Variants in SHC3 observed in about 807,000 individuals in gnomAD.
SHC3 encodes SHC adaptor protein 3, also known as SHC-transforming protein 3.
SHC3 carries 15 observed loss-of-function variants against 60.4 expected under a neutral mutation model. The observed-to-expected ratio is 0.25, with a 90% CI of 0.17 to 0.38. The LOEUF (loss-of-function observed/expected upper bound fraction) is 0.38, where lower values mean the gene tolerates loss of function less well. Ranked by LOEUF, SHC3 falls within the 10% of genes least tolerant of loss-of-function variation. The pLI is 1.00. For synonymous variants in SHC3, 294 were observed against 325.9 expected (o/e 0.90, Z 1.05); for missense variants, 677 against 786.1 (o/e 0.86, Z 1.66).
intron 2 of SHC3, among the ~76,000 whole-genome samples, chr9:89,108,212 A>G (rs1305521940): frequency 6.6e-6 from 1 of 152,122 alleles, no homozygotes; most frequent in Admixed American, 6.5e-5. Context: ...CTAATGACGC[A>G]TCTCTCAGAA....
chr9:89,091,490 T>C (rs1360070536), intron 2 of SHC3, among the ~76,000 whole-genome samples: 1 of 152,122 alleles, frequency 6.6e-6, no homozygotes, highest in East Asian at 1.9e-4. Flanking sequence ...CAAAGTAAAA[T>C]AAATGAAAAT....
chr9:89,043,511 A>C (rs1049923760), intron 9 of SHC3, among the ~76,000 whole-genome samples: 1 of 152,196 alleles, frequency 6.6e-6, no homozygotes, highest in African/African-American at 2.4e-5. Flanking sequence ...CTTTCCCACC[A>C]TAGATGACAA....
chr9:89,107,670 AAGGCT>A (rs1385269006), intron 2 of SHC3, among the ~76,000 whole-genome samples: 2 of 152,224 alleles, frequency 1.3e-5, no homozygotes, highest in East Asian at 3.8e-4. Context: ...AAGAGCCTGT[AAGGCT>A]AAAATCCAAA....
At chr9:89,051,981 G>A in intron 7 of SHC3, 56 bp downstream of exon 7, 1 of 1,600,386 alleles carries the variant, frequency 6.2e-7, no homozygotes, top group Non-Finnish European at 8.5e-7. Context: ...GGTTTTAAGA[G>A]GAAAGGTCAT....
At chr9:89,059,906 C>G (rs961457574) in intron 6 of SHC3, among the ~76,000 whole-genome samples, 58 of 129,972 alleles carry the variant, frequency 4.5e-4, no homozygotes, top group African/African-American at 1.7e-3. Context: ...TGGTGTAGGA[C>G]AGTGGTGGAG....
chr9:89,030,140 A>G (rs780768923), intron 11 of SHC3, among the ~76,000 whole-genome samples: 1 of 152,166 alleles, frequency 6.6e-6, no homozygotes, highest in African/African-American at 2.4e-5. Flanking sequence ...ATAAAGGGGG[A>G]CATTTCACAT....
rs762269093 is a variant in SHC3 at position 89,047,010 on chromosome 9, T to G, written c.963-16A>C. 1 of 1,536,300 alleles carries G rather than the reference T, an allele frequency of 6.5e-7. No individual in the cohort carries two copies. The highest frequency in any genetic ancestry group is 8.8e-7 in the Non-Finnish European group (1 of 1,141,766). Reference sequence around the variant, plus strand: ...ACTCTGCATTCTGTTAAAGGAAGATTTCCAAGGGCTTTAGCCAAAAGTTGA... The same window carrying G: ...ACTCTGCATTCTGTTAAAGGAAGATGTCCAAGGGCTTTAGCCAAAAGTTGA... On this transcript the variant is annotated splice_polypyrimidine_tract_variant and intron_variant, in intron 7 of 11. Coordinates refer to ENST00000375835, the MANE Select transcript of SHC3 (RefSeq NM_016848.6).
chr9:89,100,700 C>T (rs1443165041), intron 2 of SHC3, among the ~76,000 whole-genome samples: 3 of 152,130 alleles, frequency 2.0e-5, no homozygotes, highest in Non-Finnish European at 2.9e-5. Context: ...TATAGTTTTA[C>T]CTTTTCTAGA....
At chr9:89,017,670 T>G (rs1826119611) in intron 11 of SHC3, among the ~76,000 whole-genome samples, 1 of 151,840 alleles carries the variant, frequency 6.6e-6, no homozygotes, top group Non-Finnish European at 1.5e-5. Context: ...ACAAAAGAGC[T>G]TCTGCACAGC....
Position 89,048,241 on chromosome 9 carries a change from T to TAAAA in SHC3, c.963-1251_963-1248dup, listed in dbSNP as rs34217569. Among the ~76,000 whole-genome samples, 857 of 133,942 alleles carry TAAAA rather than the reference T, an allele frequency of 6.4e-3. 10 individuals are homozygous for TAAAA. Among genetic ancestry groups the TAAAA allele is most frequent in the African/African-American group, 0.021 (761 of 36,172 alleles). 87.9% of individuals were successfully genotyped at this position (133,942 alleles called of 152,430 possible). Reference sequence around the variant, plus strand: ...CCTGGGCAATGGAGTAAGACTCCATTAAAAAAAAAAAAAAAAGGTAGAAGT... The same window carrying TAAAA: ...CCTGGGCAATGGAGTAAGACTCCATTAAAAAAAAAAAAAAAAAAAAGGTAGAAGT... On this transcript the variant is annotated intron_variant, in intron 7 of 11. Coordinates refer to ENST00000375835, the MANE Select transcript of SHC3 (RefSeq NM_016848.6).
At chr9:89,016,001 T>C (rs1198608108) in intron 11 of SHC3, among the ~76,000 whole-genome samples, 1 of 151,760 alleles carries the variant, frequency 6.6e-6, no homozygotes, top group Non-Finnish European at 1.5e-5. Flanking sequence ...AAAGAAATAA[T>C]AGATAAAAAT....
intron 1 of SHC3, among the ~76,000 whole-genome samples, chr9:89,150,186 C>T (rs1321563418): frequency 5.3e-5 from 8 of 152,090 alleles, no homozygotes; most frequent in African/African-American, 1.4e-4. Flanking sequence ...AATCATAGCA[C>T]GTATGGGGTT....
At chr9:89,063,298 T>C (rs907767494) in intron 6 of SHC3, among the ~76,000 whole-genome samples, 1 of 152,120 alleles carries the variant, frequency 6.6e-6, no homozygotes, top group Admixed American at 6.5e-5. Context: ...CCCAGCTAAT[T>C]TTTGTATTTT....
chr9:89,088,537 G>A (rs1031942307), intron 2 of SHC3: 2 of 152,166 alleles, frequency 1.3e-5, no homozygotes, highest in African/African-American at 4.8e-5. Flanking sequence ...TCAAAAAGAT[G>A]AAAAACACAG....
At chr9:89,049,955 G>A (rs1824835922) in intron 7 of SHC3, among the ~76,000 whole-genome samples, 1 of 152,182 alleles carries the variant, frequency 6.6e-6, no homozygotes, top group Non-Finnish European at 1.5e-5. Context: ...CTCTGTTTGG[G>A]AATTGTTTAT....
intron 1 of SHC3, among the ~76,000 whole-genome samples, chr9:89,130,460 A>G (rs553092355): frequency 6.6e-6 from 1 of 152,340 alleles, no homozygotes; most frequent in African/African-American, 2.4e-5. Flanking sequence ...AACAGAATAT[A>G]CATTCTTCTC....
chr9:89,061,091 A>ACAGAGC (rs1825082055), intron 6 of SHC3, among the ~76,000 whole-genome samples: 4 of 152,202 alleles, frequency 2.6e-5, no homozygotes, highest in Non-Finnish European at 2.9e-5. Flanking sequence ...TACGTAAAGC[A>ACAGAGC]CAGAGCCTGG....
intron 2 of SHC3, among the ~76,000 whole-genome samples, chr9:89,087,868 T>C (rs57081748): frequency 0.024 from 3,702 of 152,260 alleles, 67 homozygotes; most frequent in Middle Eastern, 0.068. Context: ...GACCTTAAGA[T>C]TGATAGATCA....
At chr9:89,056,943 TG>T (rs1312390171) in intron 6 of SHC3, among the ~76,000 whole-genome samples, 1 of 152,252 alleles carries the variant, frequency 6.6e-6, no homozygotes, top group African/African-American at 2.4e-5. Flanking sequence ...TCACACTTCA[TG>T]GGTCCCAGGT....
Sources: gnomAD v4.1 joint callset for allele counts (sites outside exome capture counted in the v4.1 genomes callset) on GRCh38, gnomAD v4.1.1 for gene constraint, MANE v1.5 for transcripts, NCBI Gene and HGNC (gene_info 2026-07-23, HGNC 2026-07-21) for gene names.